The following ZCCHC7 variants were observed in gnomAD, a reference collection of about 807,000 sequenced individuals.
ZCCHC7 encodes the protein zinc finger CCHC-type containing 7.
A neutral mutation model predicts 52.0 loss-of-function variants in ZCCHC7; 35 were observed. The observed-to-expected ratio is 0.67, with a 90% CI of 0.51 to 0.89. The LOEUF (loss-of-function observed/expected upper bound fraction) is 0.89, where lower values mean the gene tolerates loss of function less well. ZCCHC7 is among the 40% of genes least tolerant of loss of function. ZCCHC7 has a pLI of 0.00. For missense variants in ZCCHC7, 574 were observed against 649.1 expected (o/e 0.88, Z 1.26); for synonymous variants, 217 against 221.5 (o/e 0.98, Z 0.18).
At chr9:37,325,982 T>G (rs1181114364) in intron 5 of ZCCHC7, 1 of 152,222 alleles carries the variant, frequency 6.6e-6, no homozygotes, top group African/African-American at 2.4e-5. Context: ...GGTCACATGG[T>G]AGAGTGGCAT....
At chr9:37,303,151 G>A (rs893586436) in intron 3 of ZCCHC7, among the ~76,000 whole-genome samples, 5 of 152,126 alleles carry the variant, frequency 3.3e-5, no homozygotes, top group Admixed American at 2.6e-4. Flanking sequence ...CTGGCCGGGC[G>A]TGGTGGCTCA....
chr9:37,332,177 T>C (rs1193319079), intron 6 of ZCCHC7, among the ~76,000 whole-genome samples: 1 of 151,632 alleles, frequency 6.6e-6, no homozygotes, highest in African/African-American at 2.4e-5. Flanking sequence ...GTCAGAGGTT[T>C]AGTTTTCATT....
chr9:37,163,708 C>A (rs1475794677), intron 2 of ZCCHC7, among the ~76,000 whole-genome samples: 1 of 152,128 alleles, frequency 6.6e-6, no homozygotes, highest in Non-Finnish European at 1.5e-5. Flanking sequence ...TCAGTTTGTT[C>A]TTTAATGGAT....
intron 2 of ZCCHC7, among the ~76,000 whole-genome samples, chr9:37,158,267 C>T (rs998871625): frequency 6.6e-6 from 1 of 152,116 alleles, no homozygotes; most frequent in Admixed American, 6.6e-5. Flanking sequence ...GGAATGGATA[C>T]GTATGTAGTT....
At chr9:37,188,344 A>G (rs749122571) in intron 2 of ZCCHC7, among the ~76,000 whole-genome samples, 2 of 151,692 alleles carry the variant, frequency 1.3e-5, no homozygotes, top group Non-Finnish European at 2.9e-5. Context: ...TATAGTGCCA[A>G]GATTTCACTA....
intron 2 of ZCCHC7, among the ~76,000 whole-genome samples, chr9:37,178,706 A>T (rs1027266550): frequency 8.5e-5 from 13 of 152,192 alleles, no homozygotes; most frequent in African/African-American, 3.1e-4. Flanking sequence ...GAGTTTACAG[A>T]TATTAAACAG....
chr9:37,315,263 G>A (rs1412543365), intron 5 of ZCCHC7, among the ~76,000 whole-genome samples: 6 of 152,060 alleles, frequency 3.9e-5, no homozygotes, highest in African/African-American at 1.4e-4. Flanking sequence ...GACTGGGATT[G>A]GGTTAGAAAA....
chr9:37,310,666 A>T (rs1829550006), intron 5 of ZCCHC7, among the ~76,000 whole-genome samples: 1 of 152,216 alleles, frequency 6.6e-6, no homozygotes. Context: ...TCATCAGTTT[A>T]TCTCCTACTC....
intron 2 of ZCCHC7, among the ~76,000 whole-genome samples, chr9:37,277,213 C>T (rs1188147602): frequency 3.9e-5 from 6 of 152,250 alleles, no homozygotes; most frequent in Middle Eastern, 3.4e-3. Flanking sequence ...CTGGTAATGG[C>T]GGAATTGTTC....
At chr9:37,160,394 A>G (rs111435228) in intron 2 of ZCCHC7, among the ~76,000 whole-genome samples, 81 of 152,324 alleles carry the variant, frequency 5.3e-4, no homozygotes, top group African/African-American at 1.9e-3. Context: ...GTGTGCCTGT[A>G]TTCCCAGCTA....
At chr9:37,233,967 C>A (rs567758593) in intron 2 of ZCCHC7, among the ~76,000 whole-genome samples, 1 of 152,296 alleles carries the variant, frequency 6.6e-6, no homozygotes, top group Admixed American at 6.5e-5. Flanking sequence ...GATTCTCCTG[C>A]CGCAGCCTCC....
chr9:37,199,435 G>A lies in ZCCHC7; in HGVS notation c.610+72493G>A, dbSNP rs1263009123. ...CAACCTCCACCTCCTGGGTTCAAGC[G>A]ATTCTCCTGCCTCAGCCTCCCGAGT... On this transcript the variant is annotated intron_variant, in intron 2 of 8. Transcript: ENST00000336755. Among the ~76,000 whole-genome samples the A allele has an allele frequency of 2.8e-5, 4 of 145,088 alleles. No homozygotes were observed. In the South Asian group the frequency reaches 9.2e-4, roughly 33 times the overall value.
chr9:37,142,935 A>G (rs1227151332), intron 2 of ZCCHC7, among the ~76,000 whole-genome samples: 2 of 151,952 alleles, frequency 1.3e-5, no homozygotes, highest in African/African-American at 4.8e-5. Flanking sequence ...TTTACTAGCA[A>G]ATGTTCGTGG....
At chr9:37,127,047 T>G (rs1458651122) in intron 2 of ZCCHC7, 105 bp downstream of exon 2, 4 of 1,399,394 alleles carry the variant, frequency 2.9e-6, no homozygotes, top group Non-Finnish European at 3.8e-6. Context: ...AATTCCTCAC[T>G]TTTTGGTCTT....
At chr9:37,214,573 T>C (rs1343583714) in intron 2 of ZCCHC7, among the ~76,000 whole-genome samples, 1 of 152,100 alleles carries the variant, frequency 6.6e-6, no homozygotes, top group Non-Finnish European at 1.5e-5. Context: ...GAATTAGTTA[T>C]ATAGTAACAA....
At chr9:37,197,542 C>T (rs1282573719) in intron 2 of ZCCHC7, among the ~76,000 whole-genome samples, 3 of 152,092 alleles carry the variant, frequency 2.0e-5, no homozygotes, top group African/African-American at 2.4e-5. Context: ...ATTTTGGAAA[C>T]GAAAATGCCA....
At chr9:37,294,395 T>C (rs913713944) in intron 2 of ZCCHC7, among the ~76,000 whole-genome samples, 9 of 152,200 alleles carry the variant, frequency 5.9e-5, no homozygotes, top group Non-Finnish European at 7.4e-5. Context: ...ATCTGGCAGC[T>C]TTGTCTGTGT....
chr9:37,356,105 T>G (rs1418148356), intron 8 of ZCCHC7, among the ~76,000 whole-genome samples: 2 of 152,220 alleles, frequency 1.3e-5, no homozygotes, highest in African/African-American at 4.8e-5. Context: ...CCTTTGAAAT[T>G]TTTATAATAA....
intron 2 of ZCCHC7, among the ~76,000 whole-genome samples, chr9:37,238,625 A>G (rs755144198): frequency 2.6e-5 from 4 of 152,014 alleles, no homozygotes; most frequent in Admixed American, 6.6e-5. Context: ...TGAAGGCAAA[A>G]TTTGGTTTCG....
Sources: allele counts gnomAD v4.1 joint callset (sites outside exome capture counted in the v4.1 genomes callset), GRCh38; gene constraint gnomAD v4.1.1; transcripts MANE v1.5; gene names NCBI Gene and HGNC (gene_info 2026-07-23, HGNC 2026-07-21).